The following SPATS2L variants were observed in gnomAD, a reference collection of about 807,000 sequenced individuals.
The protein encoded by SPATS2L is SPATS2-like protein.
Under a neutral mutation model 59.6 loss-of-function variants are expected in SPATS2L, and 30 were observed. The observed-to-expected ratio is 0.50, with a 90% CI of 0.38 to 0.68. The LOEUF (loss-of-function observed/expected upper bound fraction) is 0.68, where lower values mean the gene tolerates loss of function less well. SPATS2L is among the 30% of genes least tolerant of loss of function. The pLI is 0.00. For missense variants in SPATS2L, 615 were observed against 700.0 expected, an observed-to-expected ratio of 0.88 and a Z score of 1.37; for synonymous variants, 252 against 263.5, an observed-to-expected ratio of 0.96 and a Z score of 0.42.
At chr2:200,470,046 T>C (rs2086906062) in intron 11 of SPATS2L, 30 bp downstream of exon 11, 1 of 1,541,910 alleles carries the variant, frequency 6.5e-7, no homozygotes, top group Non-Finnish European at 8.8e-7. Context: ...TGAATAATTC[T>C]GTGTGAGTAA....
intron 2 of SPATS2L, chr2:200,383,937 C>T (rs886906671): frequency 1.5e-5 from 15 of 1,001,332 alleles, no homozygotes; most frequent in African/African-American, 8.7e-5. Flanking sequence ...TTCAGAGAAA[C>T]GAAAGTGAAA....
At chr2:200,322,339 T>G (rs191987054) in intron 1 of SPATS2L, among the ~76,000 whole-genome samples, 1 of 152,292 alleles carries the variant, frequency 6.6e-6, no homozygotes, top group East Asian at 1.9e-4. Flanking sequence ...TAAGTCAGTT[T>G]AGGAATTAAG....
chr2:200,319,564 C>A (rs1488046355), intron 1 of SPATS2L, among the ~76,000 whole-genome samples: 22 of 51,006 alleles, frequency 4.3e-4, no homozygotes, highest in East Asian at 1.8e-3. Context: ...GACCCCACCT[C>A]AAAAAAAAAA....
intron 2 of SPATS2L, among the ~76,000 whole-genome samples, chr2:200,375,727 A>C (rs2081577431): frequency 6.6e-6 from 1 of 152,188 alleles, no homozygotes; most frequent in Non-Finnish European, 1.5e-5. Flanking sequence ...CCCGGGCTCA[A>C]GTGATCCTCC....
chr2:200,377,429 G>A (rs2081637571), intron 2 of SPATS2L, among the ~76,000 whole-genome samples: 1 of 152,218 alleles, frequency 6.6e-6, no homozygotes, highest in Non-Finnish European at 1.5e-5. Flanking sequence ...CCAACTGCTT[G>A]TGTGTGGTCA....
At chr2:200,432,124 T>G (rs188172783) in intron 6 of SPATS2L, among the ~76,000 whole-genome samples, 1 of 152,310 alleles carries the variant, frequency 6.6e-6, no homozygotes, top group East Asian at 1.9e-4. Flanking sequence ...AGTAAAGAAA[T>G]TTTTAAATGT....
intron 2 of SPATS2L, among the ~76,000 whole-genome samples, chr2:200,351,462 C>T (rs368015306): frequency 1.5e-4 from 23 of 152,028 alleles, no homozygotes; most frequent in African/African-American, 5.1e-4. Context: ...TTTGTTTTGC[C>T]GAGAACTAAA....
intron 2 of SPATS2L, among the ~76,000 whole-genome samples, chr2:200,361,107 A>G (rs975884396): frequency 8.2e-5 from 10 of 122,574 alleles, no homozygotes; most frequent in African/African-American, 2.9e-4. Context: ...ATCCCTACAC[A>G]GATACACACA....
At position 200,412,340 on chromosome 2, in the gene SPATS2L, C is replaced by T. The variant is rs772246719; in HGVS notation, c.69C>T (p.Asn23=). The T allele has an allele frequency of 2.5e-6, 4 of 1,598,376 alleles. No homozygotes were observed. Among genetic ancestry groups the T allele is most frequent in the Middle Eastern group, 1.7e-4 (1 of 6,014 alleles). ...ATGCAGTTAGATCAGTTGTTCCCAA[C>T]AAAAGCAATAATGAAATAGTCCTGG... The part of the protein sequence containing the change: ...KIYAVRSVVP[N]KSNNEIVLVL... Residue 23 remains asparagine (N), a synonymous_variant, in exon 4 of 13, where the codon AAC becomes AAT. Coordinates refer to ENST00000409140, the MANE Select transcript of SPATS2L (RefSeq NM_001100423.2).
At chr2:200,440,552 C>A in intron 7 of SPATS2L, 97 bp from the exon 8 acceptor site, 1 of 1,198,302 alleles carries the variant, frequency 8.3e-7, no homozygotes. Flanking sequence ...AAGATGAGTC[C>A]CTTTTTCTGG....
At chr2:200,332,091 T>C (rs1015826622) in intron 2 of SPATS2L, among the ~76,000 whole-genome samples, 2 of 152,184 alleles carry the variant, frequency 1.3e-5, no homozygotes, top group Non-Finnish European at 2.9e-5. Context: ...TCTCTTGGTA[T>C]GCACAATATT....
intron 6 of SPATS2L, among the ~76,000 whole-genome samples, chr2:200,436,367 C>G (rs955850810): frequency 4.6e-5 from 7 of 152,108 alleles, no homozygotes; most frequent in Middle Eastern, 3.2e-3. Flanking sequence ...CAAACACATG[C>G]AGTAATGATG....
At chr2:200,432,634 A>G (rs1353736476) in intron 6 of SPATS2L, among the ~76,000 whole-genome samples, 1 of 152,242 alleles carries the variant, frequency 6.6e-6, no homozygotes, top group Admixed American at 6.5e-5. Context: ...GAGCAGGAAA[A>G]TGTGACCTAT....
At chr2:200,468,816 ATC>A (rs990967528) in intron 10 of SPATS2L, among the ~76,000 whole-genome samples, 7 of 152,208 alleles carry the variant, frequency 4.6e-5, no homozygotes, top group Non-Finnish European at 8.8e-5. Flanking sequence ...TCCAACTTCC[ATC>A]TCTCTCTACA....
intron 2 of SPATS2L, among the ~76,000 whole-genome samples, chr2:200,372,487 TGGG>T (rs2081460484): frequency 2.6e-5 from 4 of 152,096 alleles, no homozygotes; most frequent in Admixed American, 1.3e-4. Flanking sequence ...CACTGGGAAG[TGGG>T]GAGCAAAATT....
intron 2 of SPATS2L, among the ~76,000 whole-genome samples, chr2:200,367,993 A>C (rs1234868702): frequency 6.6e-6 from 1 of 152,244 alleles, no homozygotes; most frequent in Non-Finnish European, 1.5e-5. Context: ...TTTTCATTAT[A>C]AAAAGGTTGA....
Position 200,314,950 on chromosome 2 carries a change from A to G in SPATS2L, c.-73+8028A>G, listed in dbSNP as rs544593618. Among the ~76,000 whole-genome samples the G allele has an allele frequency of 1.3e-4, 20 of 152,364 alleles. 1 individual carries two copies. In the South Asian group the frequency reaches 4.1e-3, roughly 32 times the overall value. On this transcript the variant is annotated intron_variant, in intron 1 of 12. Coordinates refer to ENST00000409140, the MANE Select transcript of SPATS2L (RefSeq NM_001100423.2). ...AATATATTACTAAAATTAATTTCAC[A>G]TATTTCTTTTTATTTTTAAAAATGT...
At chr2:200,364,852 T>A (rs2081219963) in intron 2 of SPATS2L, among the ~76,000 whole-genome samples, 1 of 152,194 alleles carries the variant, frequency 6.6e-6, no homozygotes, top group African/African-American at 2.4e-5. Flanking sequence ...CCAGGTGGGT[T>A]GGGCATTCTA....
At chr2:200,373,809 G>A (rs1373815071) in intron 2 of SPATS2L, among the ~76,000 whole-genome samples, 2 of 152,112 alleles carry the variant, frequency 1.3e-5, no homozygotes. Flanking sequence ...AAGTCAGCTT[G>A]CACCAATTTG....
Sources: allele counts gnomAD v4.1 joint callset (sites outside exome capture counted in the v4.1 genomes callset), GRCh38; gene constraint gnomAD v4.1.1; transcripts MANE v1.5; gene names NCBI Gene and HGNC (gene_info 2026-07-23, HGNC 2026-07-21).